The following PREX2 variants were observed in gnomAD, a reference collection of about 807,000 sequenced individuals.
PREX2 encodes the protein phosphatidylinositol 3,4,5-trisphosphate-dependent Rac exchanger 2 protein.
Under a neutral mutation model 203.2 loss-of-function variants are expected in PREX2, and 107 were observed. The observed-to-expected ratio is 0.53, with a 90% CI of 0.45 to 0.62. The LOEUF (loss-of-function observed/expected upper bound fraction) is 0.62. Ranked by LOEUF, PREX2 falls within the 20% of genes least tolerant of loss-of-function variation. The pLI is 0.00. For synonymous variants in PREX2, 672 were observed against 663.6 expected (o/e 1.01, Z -0.19); for missense variants, 1,777 against 1,955.9 (o/e 0.91, Z 1.72).
Position 68,022,101 on chromosome 8 carries a change from T to C in PREX2, c.402T>C (p.Leu134=). 6.4e-7 allele frequency: 1 copy of C among 1,571,520 alleles called. No individual in the cohort carries two copies. The highest frequency in any genetic ancestry group is 8.8e-7 in the Non-Finnish European group (1 of 1,141,522). ...SNHEKAQKLL[L]ELNKIRTIRT... is the part of the protein sequence containing the mutation. ...ATGAGAAGGCACAAAAATTACTTCT[T>C]GAACTCAACAAAATAAGAACAATCC... is the stretch of plus-strand genomic sequence containing the variant. Residue 134 remains leucine, a synonymous_variant, in exon 4 of 40, where the codon CTT becomes CTC. Coordinates refer to ENST00000288368, the MANE Select transcript of PREX2 (RefSeq NM_024870.4).
chr8:67,986,940 T>C (rs991339161), intron 1 of PREX2, among the ~76,000 whole-genome samples: 5 of 151,854 alleles, frequency 3.3e-5, no homozygotes, highest in Non-Finnish European at 7.4e-5. Flanking sequence ...CTGAGGTGGG[T>C]GGATCATGAG....
chr8:68,152,905 G>A (rs1395650686), intron 34 of PREX2, among the ~76,000 whole-genome samples: 1 of 152,120 alleles, frequency 6.6e-6, no homozygotes, highest in Non-Finnish European at 1.5e-5. Flanking sequence ...AGCCCCTTTA[G>A]CTTCACTTTC....
chr8:68,170,607 G>A (rs1811858266), intron 35 of PREX2, among the ~76,000 whole-genome samples: 1 of 152,190 alleles, frequency 6.6e-6, no homozygotes, highest in Admixed American at 6.6e-5. Flanking sequence ...CTCCTCCTGG[G>A]CCAAGTCAGT....
chr8:68,204,308 G>T (rs1812566704), intron 37 of PREX2, among the ~76,000 whole-genome samples: 1 of 152,170 alleles, frequency 6.6e-6, no homozygotes, highest in Admixed American at 6.5e-5. Flanking sequence ...TACTGGGCTT[G>T]CATAGAAAGT....
At chr8:68,008,812 T>C (rs1310683853) in intron 1 of PREX2, among the ~76,000 whole-genome samples, 2 of 152,184 alleles carry the variant, frequency 1.3e-5, no homozygotes, top group East Asian at 3.9e-4. Flanking sequence ...CCTGCTGCCA[T>C]GTAAGATGTG....
chr8:68,093,726 G>A lies in PREX2; in HGVS notation c.2368+4G>A, dbSNP rs1809966689. ...GCTTTTGACTGTAAAGTAGAAGGTA[G>A]GTTTCTTATTTTCTTCTTCATGTGC... On this transcript the variant is annotated splice_donor_region_variant and intron_variant, in intron 21 of 39. Coordinates refer to ENST00000288368, the MANE Select transcript of PREX2 (RefSeq NM_024870.4). The A allele has an allele frequency of 6.8e-7, 1 of 1,472,598 alleles. No individual in the cohort carries two copies. The highest frequency in any genetic ancestry group is 9.5e-7 in the Non-Finnish European group (1 of 1,057,664). The allele number at this position is 1,472,598 out of a possible 1,614,324, so 91.2% of individuals were successfully genotyped here.
chr8:68,156,753 A>G (rs752773286), intron 34 of PREX2, among the ~76,000 whole-genome samples: 8 of 152,206 alleles, frequency 5.3e-5, no homozygotes, highest in Non-Finnish European at 8.8e-5. Flanking sequence ...GGAGGTGACC[A>G]GGAAAGCACC....
chr8:67,952,364 GGCAGCGCCGCGCTGC>G lies in PREX2; in HGVS notation c.-27_-13del, dbSNP rs757275165. On this transcript the variant is annotated 5_prime_UTR_variant, in exon 1 of 40. Transcript: ENST00000288368. ...GCGCGGGTCAGCGCTCAGCACGGCG[GGCAGCGCCGCGCTGC>G]GCACCGCCGCCGACCATGAGCGAGG... The G allele has an allele frequency of 1.3e-5, 20 of 1,500,814 alleles. No individual in the cohort carries two copies. In the East Asian group the frequency reaches 5.5e-4, roughly 41 times the overall value. The allele number at this position is 1,500,814 out of a possible 1,614,324, so 93.0% of individuals were successfully genotyped here. A position where few individuals can be genotyped will look rare whatever the true frequency, so the allele number is the denominator to read the frequency against.
At chr8:68,035,211 T>A (rs1807994746) in intron 6 of PREX2, among the ~76,000 whole-genome samples, 1 of 152,168 alleles carries the variant, frequency 6.6e-6, no homozygotes, top group South Asian at 2.1e-4. Flanking sequence ...TATGTTTGTT[T>A]TCATAGTATT....
At position 68,119,449 on chromosome 8, in the gene PREX2, A is replaced by T; in HGVS notation, c.3439A>T (p.Ser1147Cys). 1 of 1,613,590 alleles carries T rather than the reference A, an allele frequency of 6.2e-7. No homozygotes were observed. The highest frequency in any genetic ancestry group is 8.5e-7 in the Non-Finnish European group (1 of 1,179,644). ...ACATCTAGGTGATGAACTTCCCTTAAGTGTTCGCATATCTCATGATAAACA... is the reference window on the plus strand; with the variant it reads ...ACATCTAGGTGATGAACTTCCCTTATGTGTTCGCATATCTCATGATAAACA... The part of the protein sequence containing the change: ...EMDSGDELPL[S>C]VRISHDKQDK... The change falls in exon 28 of 40, where the codon AGT (serine) becomes TGT (cysteine). Residue 1147 changes from serine (S) to cysteine (C), a missense_variant. Ser to Cys is a moderately radical substitution (Grantham distance 112). Transcript: ENST00000288368.
chr8:68,057,761 T>C (rs1015321443), intron 10 of PREX2, among the ~76,000 whole-genome samples: 5 of 152,200 alleles, frequency 3.3e-5, no homozygotes, highest in African/African-American at 1.2e-4. Context: ...TTAATAGGTA[T>C]GCAAATTAGC....
At chr8:68,181,184 C>T (rs1379255995) in intron 35 of PREX2, among the ~76,000 whole-genome samples, 1 of 152,114 alleles carries the variant, frequency 6.6e-6, no homozygotes, top group Non-Finnish European at 1.5e-5. Context: ...TCAATTCCAG[C>T]TATTTCCTTA....
intron 35 of PREX2, among the ~76,000 whole-genome samples, chr8:68,171,010 A>G (rs1416925186): frequency 2.0e-5 from 3 of 152,126 alleles, no homozygotes; most frequent in African/African-American, 7.2e-5. Flanking sequence ...GGTTTAGATT[A>G]TTATGTTTAG....
chr8:68,183,780 TC>T (rs1812134534), intron 35 of PREX2, among the ~76,000 whole-genome samples: 1 of 152,128 alleles, frequency 6.6e-6, no homozygotes, highest in Non-Finnish European at 1.5e-5. Flanking sequence ...GAGGTGTGTC[TC>T]CACTACCTCT....
chr8:68,215,045 G>A lies in PREX2; in HGVS notation c.4605-2571G>A, dbSNP rs1316208084. Among the ~76,000 whole-genome samples, 3 of 152,206 alleles carry A rather than the reference G, an allele frequency of 2.0e-5. No individual in the cohort carries two copies. The East Asian group carries it at 5.8e-4, about 29-fold the overall frequency. On this transcript the variant is annotated intron_variant, in intron 37 of 39. Transcript: ENST00000288368. ...AAGGTAGATTTTTCTCTTAGGTATT[G>A]TGTGATTGGTTGCAAATCACACTTG...
Position 68,005,944 on chromosome 8 carries a change from G to A in PREX2, c.142-11902G>A, listed in dbSNP as rs533863944. Among the ~76,000 whole-genome samples, 3 of 152,262 alleles carry A rather than the reference G, an allele frequency of 2.0e-5. No homozygotes were observed. In the South Asian group the frequency reaches 6.2e-4, roughly 32 times the overall value. The stretch of plus-strand genomic sequence containing the variant: ...TATTCCTTTTTGTCTAATGACAAGA[G>A]GTAAAAATATACAGATAATTTCAGG... On this transcript the variant is annotated intron_variant, in intron 1 of 39. Transcript: ENST00000288368.
At chr8:68,186,408 G>A (rs1027752175) in intron 35 of PREX2, among the ~76,000 whole-genome samples, 10 of 152,156 alleles carry the variant, frequency 6.6e-5, no homozygotes, top group South Asian at 2.1e-4. Flanking sequence ...TTCAGTAAAC[G>A]TTTGTCTTTT....
intron 37 of PREX2, among the ~76,000 whole-genome samples, chr8:68,202,089 A>G (rs1218957423): frequency 6.6e-6 from 1 of 150,946 alleles, no homozygotes; most frequent in Non-Finnish European, 1.5e-5. Flanking sequence ...TTTCGTAGAG[A>G]CAGGGTTTCA....
chr8:68,069,285 GTA>G (rs1809118996), intron 12 of PREX2, 149 bp downstream of exon 12: 2 of 550,892 alleles, frequency 3.6e-6, no homozygotes, highest in Non-Finnish European at 6.3e-6. Context: ...TTTATTTTTG[GTA>G]TTTCAAGAAT....
Sources: allele counts gnomAD v4.1 joint callset (sites outside exome capture counted in the v4.1 genomes callset), GRCh38; gene constraint gnomAD v4.1.1; transcripts MANE v1.5; gene names NCBI Gene and HGNC (gene_info 2026-07-23, HGNC 2026-07-21).